PDGFD: variants seen among roughly 807,000 people sequenced by gnomAD.
PDGFD encodes platelet-derived growth factor D.
PDGFD carries 30 observed loss-of-function variants against 44.7 expected under a neutral mutation model. That is an observed-to-expected ratio of 0.67 (90% CI 0.50 to 0.91). The LOEUF is 0.91. PDGFD is among the 40% of genes least tolerant of loss of function. The probability of loss-of-function intolerance (pLI) is 0.00; values close to 1 mark genes in which losing one functional copy is unlikely to be tolerated. For missense variants in PDGFD, 445 were observed against 457.8 expected (o/e 0.97, Z 0.25); for synonymous variants, 173 against 168.4 (o/e 1.03, Z -0.21).
At chr11:104,147,736 A>G (rs1248663206) in intron 1 of PDGFD, among the ~76,000 whole-genome samples, 1 of 152,180 alleles carries the variant, frequency 6.6e-6, no homozygotes, top group Non-Finnish European at 1.5e-5. Flanking sequence ...TATCAAATAC[A>G]GATTATACAA....
At chr11:104,159,959 A>G (rs1319490502) in intron 1 of PDGFD, among the ~76,000 whole-genome samples, 1 of 152,204 alleles carries the variant, frequency 6.6e-6, no homozygotes, top group East Asian at 1.9e-4. Context: ...AATCACCACT[A>G]TGCTTTACAA....
chr11:103,996,668 C>A (rs1404470518), intron 2 of PDGFD, among the ~76,000 whole-genome samples: 1 of 152,154 alleles, frequency 6.6e-6, no homozygotes, highest in African/African-American at 2.4e-5. Context: ...GCATTCGGTG[C>A]TTTCTTGAGA....
At chr11:103,993,127 G>T (rs1202707108) in intron 3 of PDGFD, among the ~76,000 whole-genome samples, 1 of 152,092 alleles carries the variant, frequency 6.6e-6, no homozygotes, top group Admixed American at 6.6e-5. Context: ...GAGTGCAGTG[G>T]TGGCATCACT....
chr11:103,955,083 GA>G (rs1198663195), intron 3 of PDGFD, among the ~76,000 whole-genome samples: 2 of 143,776 alleles, frequency 1.4e-5, no homozygotes, highest in Non-Finnish European at 3.0e-5. Flanking sequence ...AGAATGGCGT[GA>G]ACCCGGGAGG....
At chr11:103,932,579 C>T (rs758511355) in intron 5 of PDGFD, among the ~76,000 whole-genome samples, 2 of 152,086 alleles carry the variant, frequency 1.3e-5, no homozygotes, top group Non-Finnish European at 2.9e-5. Context: ...TCTTTTTATC[C>T]CTTCTCTTCT....
chr11:104,025,653 C>T (rs1860031474), intron 1 of PDGFD, among the ~76,000 whole-genome samples: 1 of 152,152 alleles, frequency 6.6e-6, no homozygotes, highest in Non-Finnish European at 1.5e-5. Context: ...CTGAGGTGGC[C>T]TAAGCAAATC....
chr11:104,100,735 C>G (rs1444949321), intron 1 of PDGFD, among the ~76,000 whole-genome samples: 1 of 152,132 alleles, frequency 6.6e-6, no homozygotes, highest in Non-Finnish European at 1.5e-5. Flanking sequence ...AGCAGCACAA[C>G]AAAAAGCTTA....
At chr11:104,036,580 A>C in intron 1 of PDGFD, 1 of 558,266 alleles carries the variant, frequency 1.8e-6, no homozygotes, top group Non-Finnish European at 3.2e-6. Flanking sequence ...CAGCACACTT[A>C]GAAATGGACT....
Position 104,097,594 on chromosome 11 carries a change from A to G in PDGFD, c.124+66210T>C, listed in dbSNP as rs1421247613. On this transcript the variant is annotated intron_variant, in intron 1 of 6. Transcript: ENST00000393158. ...TGGTTCCCAGATGCTAATGTTATAC[A>G]GAGATTATATTGACACTTTAAGAGA... Among the ~76,000 whole-genome samples the G allele has an allele frequency of 2.6e-5, 4 of 152,318 alleles. No homozygotes were observed. In the East Asian group the frequency reaches 5.8e-4, roughly 22 times the overall value.
chr11:103,934,288 T>A (rs1000638621), intron 5 of PDGFD, among the ~76,000 whole-genome samples: 1 of 152,194 alleles, frequency 6.6e-6, no homozygotes, highest in African/African-American at 2.4e-5. Context: ...ATGCCCACAT[T>A]ATTACTGAAG....
intron 5 of PDGFD, 95 bp from the exon 6 acceptor site, chr11:103,927,221 G>A (rs1591079862): frequency 9.0e-7 from 1 of 1,106,482 alleles, no homozygotes; most frequent in Non-Finnish European, 1.3e-6. Context: ...GATTCTGTGA[G>A]GACAACTTTA....
chr11:104,002,899 G>T (rs1859641445), intron 1 of PDGFD, among the ~76,000 whole-genome samples: 1 of 152,132 alleles, frequency 6.6e-6, no homozygotes, highest in Admixed American at 6.5e-5. Flanking sequence ...GTAACCATGA[G>T]TCTAAATATA....
intron 1 of PDGFD, among the ~76,000 whole-genome samples, chr11:104,116,304 T>C (rs1427703264): frequency 6.6e-6 from 1 of 152,122 alleles, no homozygotes; most frequent in Non-Finnish European, 1.5e-5. Context: ...TTCCACCTTA[T>C]GCTTTTGTTT....
At chr11:104,087,195 ATTT>A (rs33989914) in intron 1 of PDGFD, among the ~76,000 whole-genome samples, 1 of 129,106 alleles carries the variant, frequency 7.7e-6, no homozygotes. Flanking sequence ...CAACTGGCTA[ATTT>A]TTTTTTTTTT....
chr11:104,081,878 A>T (rs1042281991), intron 1 of PDGFD, among the ~76,000 whole-genome samples: 2 of 152,126 alleles, frequency 1.3e-5, no homozygotes, highest in Admixed American at 6.6e-5. Context: ...ACATTTGTCT[A>T]AAATGATAGG....
chr11:103,988,890 T>C (rs1338745348), intron 3 of PDGFD, among the ~76,000 whole-genome samples: 2 of 152,226 alleles, frequency 1.3e-5, no homozygotes, highest in African/African-American at 4.8e-5. Context: ...TTCATGGAGA[T>C]GCATTCATGC....
At chr11:103,962,643 A>G (rs1231729191) in intron 3 of PDGFD, among the ~76,000 whole-genome samples, 1 of 152,192 alleles carries the variant, frequency 6.6e-6, no homozygotes, top group African/African-American at 2.4e-5. Flanking sequence ...ATGTGAAAAC[A>G]TTTTTAAAAA....
At chr11:104,102,235 A>T (rs1478823056) in intron 1 of PDGFD, among the ~76,000 whole-genome samples, 3 of 152,228 alleles carry the variant, frequency 2.0e-5, no homozygotes, top group African/African-American at 7.2e-5. Context: ...TTACAAGAAA[A>T]AAACAAAGAA....
At chr11:104,119,964 T>G (rs1005469287) in intron 1 of PDGFD, among the ~76,000 whole-genome samples, 25 of 140,732 alleles carry the variant, frequency 1.8e-4, no homozygotes, top group Admixed American at 6.9e-4. Flanking sequence ...ATTATATATT[T>G]ATATTACATA....
Sources: gnomAD v4.1 joint callset for allele counts (sites outside exome capture counted in the v4.1 genomes callset) on GRCh38, gnomAD v4.1.1 for gene constraint, MANE v1.5 for transcripts, NCBI Gene and HGNC (gene_info 2026-07-23, HGNC 2026-07-21) for gene names.